Variants in CNTNAP5 observed in about 807,000 individuals in gnomAD.
The protein encoded by CNTNAP5 is contactin-associated protein-like 5.
A neutral mutation model predicts 150.2 loss-of-function variants in CNTNAP5; 72 were observed. That is an observed-to-expected ratio of 0.48 (90% CI 0.40 to 0.58). The LOEUF is 0.58. Among genes scored for constraint, CNTNAP5 ranks in the 20% least tolerant of loss-of-function variants. The pLI, the probability that CNTNAP5 is intolerant of heterozygous loss-of-function variation, is 0.00. For missense variants in CNTNAP5, 1,636 were observed against 1,626.2 expected (o/e 1.01, Z -0.10); for synonymous variants, 672 against 619.8 (o/e 1.08, Z -1.25).
intron 8 of CNTNAP5, among the ~76,000 whole-genome samples, chr2:124,511,251 A>G (rs1487139934): frequency 6.6e-6 from 1 of 152,250 alleles, no homozygotes; most frequent in Admixed American, 6.5e-5. Flanking sequence ...TGAAATCATA[A>G]GCAATCTTAA....
rs184614188 is a variant in CNTNAP5 at position 124,190,847 on chromosome 2, T to C, written c.83-30858T>C. 1.0e-3 allele frequency among the ~76,000 whole-genome samples: 159 copies of C among 152,344 alleles called. 2 individuals carry two copies. Among genetic ancestry groups the C allele is most frequent in the African/African-American group, 3.7e-3 (154 of 41,584 alleles). On this transcript the variant is annotated intron_variant, in intron 1 of 23. Coordinates refer to ENST00000682447, the MANE Select transcript of CNTNAP5 (RefSeq NM_001367498.1). ...GTAAATTCCATGTCTGTGGGTAGTT[T>C]GTTCTAAGTATTTTCTCAACTTTTG...
At chr2:124,769,100 G>C (rs148970258) in intron 16 of CNTNAP5, among the ~76,000 whole-genome samples, 352 of 152,208 alleles carry the variant, frequency 2.3e-3, no homozygotes, top group African/African-American at 8.1e-3. Flanking sequence ...CACAGAAATG[G>C]AGTGTGGTTC....
chr2:124,241,553 A>C (rs1229219225), intron 2 of CNTNAP5, among the ~76,000 whole-genome samples: 2 of 151,974 alleles, frequency 1.3e-5, no homozygotes, highest in African/African-American at 4.8e-5. Context: ...ACCTCTTGTG[A>C]TGGTTTCTTT....
intron 14 of CNTNAP5, among the ~76,000 whole-genome samples, chr2:124,756,301 G>A (rs1400369769): frequency 2.6e-5 from 4 of 152,274 alleles, no homozygotes; most frequent in East Asian, 1.9e-4. Flanking sequence ...ATAGGAACAC[G>A]TTTACACTGT....
At chr2:124,249,452 CT>C (rs1687115659) in intron 3 of CNTNAP5, among the ~76,000 whole-genome samples, 1 of 152,174 alleles carries the variant, frequency 6.6e-6, no homozygotes, top group Non-Finnish European at 1.5e-5. Flanking sequence ...CTCTGCACAA[CT>C]TGGTCTCCAC....
At chr2:124,233,963 C>T (rs1170626) in intron 2 of CNTNAP5, among the ~76,000 whole-genome samples, 118,685 of 151,828 alleles carry the variant, frequency 0.78, 46,620 homozygotes, top group East Asian at 1. Context: ...TCCAAGAATC[C>T]AAGTTAAATG....
chr2:124,377,530 C>T (rs990415699), intron 3 of CNTNAP5, among the ~76,000 whole-genome samples: 2 of 151,880 alleles, frequency 1.3e-5, no homozygotes, highest in Middle Eastern at 3.4e-3. Context: ...TAAAAATTAG[C>T]CAGTCGTGGT....
At chr2:124,299,169 G>A (rs933604055) in intron 3 of CNTNAP5, among the ~76,000 whole-genome samples, 4 of 152,190 alleles carry the variant, frequency 2.6e-5, no homozygotes, top group African/African-American at 7.2e-5. Flanking sequence ...CACGCAGGAA[G>A]AGGAGGGGCC....
intron 11 of CNTNAP5, among the ~76,000 whole-genome samples, chr2:124,580,821 T>G (rs2104948602): frequency 6.6e-6 from 1 of 152,338 alleles, no homozygotes; most frequent in African/African-American, 2.4e-5. Context: ...ATGACAGTAC[T>G]TGATTCTTTG....
chr2:124,457,131 C>G (rs1260787842), intron 6 of CNTNAP5, among the ~76,000 whole-genome samples: 1 of 152,150 alleles, frequency 6.6e-6, no homozygotes, highest in Non-Finnish European at 1.5e-5. Flanking sequence ...AACAGACAAC[C>G]CACAAAGTGG....
rs1310747100 is a variant in CNTNAP5 at position 124,563,099 on chromosome 2, G to A, written c.1650-118G>A. 13 of 663,172 alleles carry A rather than the reference G, an allele frequency of 2.0e-5. No individual in the cohort carries two copies. In the East Asian group the frequency reaches 2.4e-4, roughly 12 times the overall value. 41.1% of individuals were successfully genotyped at this position (663,172 alleles called of 1,614,324 possible). On this transcript the variant is annotated intron_variant, in intron 10 of 23. Coordinates refer to ENST00000682447, the MANE Select transcript of CNTNAP5 (RefSeq NM_001367498.1). ...CATTCAATCTGCCTTAGGTATGGGA[G>A]TATAGCAAATCAATATCTACTATTA...
At chr2:124,252,948 T>C (rs1423757762) in intron 3 of CNTNAP5, among the ~76,000 whole-genome samples, 1 of 152,002 alleles carries the variant, frequency 6.6e-6, no homozygotes, top group African/African-American at 2.4e-5. Context: ...GATCTTATTA[T>C]TTAAGACAAA....
At chr2:124,252,021 T>C (rs1419847883) in intron 3 of CNTNAP5, among the ~76,000 whole-genome samples, 1 of 152,126 alleles carries the variant, frequency 6.6e-6, no homozygotes, top group Non-Finnish European at 1.5e-5. Context: ...GAAAGGAAAA[T>C]GCAGTGCAGG....
At chr2:124,067,697 T>G (rs1682196229) in intron 1 of CNTNAP5, among the ~76,000 whole-genome samples, 1 of 152,174 alleles carries the variant, frequency 6.6e-6, no homozygotes, top group Non-Finnish European at 1.5e-5. Flanking sequence ...CAACTATACT[T>G]TTTAATCGTT....
intron 13 of CNTNAP5, among the ~76,000 whole-genome samples, chr2:124,655,941 G>GAAAAAAAGAAAGAAAGAAAGAA (rs1180720883): frequency 1.7e-5 from 1 of 58,138 alleles, no homozygotes; most frequent in Admixed American, 2.4e-4. Flanking sequence ...GAGAGAGAGA[G>GAAAAAAAGAAAGAAAGAAAGAA]AGAGAGAAAG....
At chr2:124,112,732 A>T (rs1392811529) in intron 1 of CNTNAP5, among the ~76,000 whole-genome samples, 1 of 152,142 alleles carries the variant, frequency 6.6e-6, no homozygotes, top group East Asian at 1.9e-4. Flanking sequence ...AAAAAACCCC[A>T]TTTGTACTTC....
intron 1 of CNTNAP5, among the ~76,000 whole-genome samples, chr2:124,142,779 T>C (rs1156558270): frequency 3.4e-5 from 5 of 145,540 alleles, no homozygotes; most frequent in Admixed American, 2.7e-4. Flanking sequence ...AGGCAAGAAA[T>C]AACTAAAATC....
At chr2:124,286,684 G>T (rs1479164161) in intron 3 of CNTNAP5, among the ~76,000 whole-genome samples, 1 of 152,130 alleles carries the variant, frequency 6.6e-6, no homozygotes, top group Non-Finnish European at 1.5e-5. Flanking sequence ...CCAAGACATT[G>T]CTGGCAAGGC....
chr2:124,628,508 G>A (rs986662264), intron 12 of CNTNAP5, among the ~76,000 whole-genome samples: 9 of 152,072 alleles, frequency 5.9e-5, no homozygotes, highest in African/African-American at 1.4e-4. Context: ...TTTCAGACAC[G>A]CAAATGCTGA....
Sources: gnomAD v4.1 joint callset for allele counts (sites outside exome capture counted in the v4.1 genomes callset) on GRCh38, gnomAD v4.1.1 for gene constraint, MANE v1.5 for transcripts, NCBI Gene and HGNC (gene_info 2026-07-23, HGNC 2026-07-21) for gene names.